The following WIPF2 variants were observed in gnomAD, a reference collection of about 807,000 sequenced individuals.
The protein encoded by WIPF2 is WAS/WASL interacting protein family member 2, also known as WAS/WASL-interacting protein family member 2.
WIPF2 carries 23 observed loss-of-function variants against 38.8 expected under a neutral mutation model. The observed-to-expected ratio is 0.59, with a 90% CI of 0.43 to 0.84. The LOEUF is 0.84. Among genes scored for constraint, WIPF2 ranks in the 40% least tolerant of loss-of-function variants. The probability of loss-of-function intolerance (pLI) is 0.00; values close to 1 mark genes in which losing one functional copy is unlikely to be tolerated. For missense variants in WIPF2, 574 were observed against 580.5 expected, an observed-to-expected ratio of 0.99 and a Z score of 0.11; for synonymous variants, 210 against 223.2, an observed-to-expected ratio of 0.94 and a Z score of 0.53.
chr17:40,239,349 G>T (rs549992765), intron 1 of WIPF2, among the ~76,000 whole-genome samples: 1 of 152,060 alleles, frequency 6.6e-6, no homozygotes, highest in Non-Finnish European at 1.5e-5. Flanking sequence ...GGGATTACAG[G>T]CGTGATCCAC....
chr17:40,255,774 GC>G (rs2031705373), intron 1 of WIPF2, among the ~76,000 whole-genome samples: 1 of 151,566 alleles, frequency 6.6e-6, no homozygotes, highest in South Asian at 2.1e-4. Context: ...GACTGCAGGC[GC>G]CCACCACCAC....
chr17:40,280,878 G>C lies in WIPF2; in HGVS notation c.*2653G>C, dbSNP rs1227348973. On this transcript the variant is annotated 3_prime_UTR_variant, in exon 8 of 8. Coordinates refer to ENST00000323571, the MANE Select transcript of WIPF2 (RefSeq NM_133264.5). Reference sequence around the variant, plus strand: ...GATCTAGTCAGATGAGTTTTTTTTAGAGCATGTTGATGATACAACACCTGT... The same window carrying C: ...GATCTAGTCAGATGAGTTTTTTTTACAGCATGTTGATGATACAACACCTGT... 1 of 152,472 alleles carries C rather than the reference G, an allele frequency of 6.6e-6. No individual in the cohort carries two copies. The highest frequency in any genetic ancestry group is 1.5e-5 in the Non-Finnish European group (1 of 68,014). The allele number at this position is 152,472 out of a possible 1,614,324, so 9.4% of individuals were successfully genotyped here. A position where few individuals can be genotyped will look rare whatever the true frequency, so the allele number is the denominator to read the frequency against.
At chr17:40,247,432 T>C (rs374216458) in intron 1 of WIPF2, among the ~76,000 whole-genome samples, 10 of 151,752 alleles carry the variant, frequency 6.6e-5, no homozygotes, top group Admixed American at 2.6e-4. Context: ...TTGGCCAGGC[T>C]AGTCTCGAAC....
rs775142662 is a variant in WIPF2 at position 40,260,675 on chromosome 17, C to T, written c.196+8C>T. The T allele has an allele frequency of 2.7e-5, 44 of 1,613,374 alleles. No individual in the cohort carries two copies. Among genetic ancestry groups the T allele is most frequent in the Admixed American group, 8.3e-5 (5 of 59,908 alleles). On this transcript the variant is annotated splice_region_variant and intron_variant, in intron 3 of 7. Transcript: ENST00000323571. The stretch of plus-strand genomic sequence containing the variant: ...GTGCTCCCATCCTCGAGAGTGAGTC[C>T]GAGCTTCATTTCCTAGTGAACTGGC...
rs1448274091 is a variant in WIPF2 at position 40,281,289 on chromosome 17, A to G, written c.*3064A>G. ...TTTGTGATGTTTTTCCCTAATGGGA[A>G]AAACGTTATAGTTGTTTCTTACTGC... On this transcript the variant is annotated 3_prime_UTR_variant, in exon 8 of 8. Transcript: ENST00000323571. The G allele has an allele frequency of 3.3e-5, 5 of 151,962 alleles. No individual in the cohort carries two copies. Among genetic ancestry groups the G allele is most frequent in the Non-Finnish European group, 7.4e-5 (5 of 67,938 alleles). 9.4% of individuals were successfully genotyped at this position (151,962 alleles called of 1,614,324 possible). A position where few individuals can be genotyped will look rare whatever the true frequency, so the allele number is the denominator to read the frequency against.
intron 1 of WIPF2, among the ~76,000 whole-genome samples, chr17:40,232,381 G>A (rs924298471): frequency 9.3e-5 from 14 of 151,056 alleles, no homozygotes; most frequent in African/African-American, 3.2e-4. Flanking sequence ...GTAGAGACAG[G>A]GTTTCACCAT....
In WIPF2 at chr17:40,264,624, C is replaced by G. The variant is rs754971903; in HGVS notation, c.448C>G (p.Arg150Gly). ...CCGGGCCTCACTCCCAGAACTGCCCCGGATGCAGAGACCCTCTTTACCGGA... is the reference window on the plus strand; with the variant it reads ...CCGGGCCTCACTCCCAGAACTGCCCGGGATGCAGAGACCCTCTTTACCGGA... ...SSRASLPELP[R>G]MQRPSLPDLS... Residue 150 changes from arginine to glycine, a missense_variant, in exon 5 of 8, where the codon CGG becomes GGG. By Grantham distance (125) the Arg-to-Gly change is moderately radical. Coordinates refer to ENST00000323571, the MANE Select transcript of WIPF2 (RefSeq NM_133264.5). 3.1e-6 allele frequency: 5 copies of G among 1,613,966 alleles called. No individual in the cohort carries two copies. The highest frequency in any genetic ancestry group is 4.2e-6 in the Non-Finnish European group (5 of 1,179,998).
intron 1 of WIPF2, among the ~76,000 whole-genome samples, 180 bp from the exon 2 acceptor site, chr17:40,256,211 G>C (rs2031727136): frequency 6.6e-6 from 1 of 151,948 alleles, no homozygotes; most frequent in Admixed American, 6.6e-5. Flanking sequence ...AAGTCATTAG[G>C]AAATTGCAAA....
chr17:40,260,292 A>C (rs2031855024), intron 2 of WIPF2, among the ~76,000 whole-genome samples: 1 of 145,560 alleles, frequency 6.9e-6, no homozygotes, highest in Admixed American at 7.2e-5. Context: ...GGTTCAAGCG[A>C]TTCTCCTGTC....
At chr17:40,255,715 G>A (rs1159494815) in intron 1 of WIPF2, among the ~76,000 whole-genome samples, 3 of 147,478 alleles carry the variant, frequency 2.0e-5, no homozygotes, top group African/African-American at 5.0e-5. Flanking sequence ...TGCAAGCTCC[G>A]CCTCCTGGTT....
At chr17:40,223,208 A>G (rs558161707) in intron 1 of WIPF2, among the ~76,000 whole-genome samples, 23 of 151,892 alleles carry the variant, frequency 1.5e-4, no homozygotes, top group Middle Eastern at 3.4e-3. Context: ...CAATGGCACA[A>G]TCTTGGCTCA....
chr17:40,231,481 A>C (rs2030737627), intron 1 of WIPF2, among the ~76,000 whole-genome samples: 1 of 142,186 alleles, frequency 7.0e-6, no homozygotes, highest in South Asian at 2.2e-4. Flanking sequence ...GCTGGAGTGC[A>C]GTGGCACGAT....
At chr17:40,270,997 A>G (rs1029421748) in intron 5 of WIPF2, among the ~76,000 whole-genome samples, 4 of 152,110 alleles carry the variant, frequency 2.6e-5, no homozygotes, top group African/African-American at 9.7e-5. Context: ...TTTCTTTGAG[A>G]CAGTCTTGCT....
At chr17:40,250,825 G>C (rs888017888) in intron 1 of WIPF2, among the ~76,000 whole-genome samples, 1 of 151,686 alleles carries the variant, frequency 6.6e-6, no homozygotes. Flanking sequence ...CTATCTTCTC[G>C]GGAGGCTGAG....
At chr17:40,246,542 G>A (rs979335781) in intron 1 of WIPF2, among the ~76,000 whole-genome samples, 3 of 151,658 alleles carry the variant, frequency 2.0e-5, no homozygotes, top group African/African-American at 4.8e-5. Context: ...AGGATAACAG[G>A]CACCTGACAC....
intron 1 of WIPF2, among the ~76,000 whole-genome samples, chr17:40,247,660 T>TA (rs1332614414): frequency 2.0e-5 from 3 of 151,874 alleles, no homozygotes; most frequent in African/African-American, 7.3e-5. Flanking sequence ...TAGCTGGAGT[T>TA]ACAGGCGTTT....
intron 7 of WIPF2, 138 bp from the exon 8 acceptor site, chr17:40,278,047 C>A: frequency 1.9e-6 from 2 of 1,068,086 alleles, no homozygotes; most frequent in Non-Finnish European, 2.7e-6. Context: ...TTTTCTTAGG[C>A]AAAACAATAA....
intron 4 of WIPF2, among the ~76,000 whole-genome samples, chr17:40,262,910 T>G (rs1404796314): frequency 6.6e-6 from 1 of 152,184 alleles, no homozygotes; most frequent in Non-Finnish European, 1.5e-5. Flanking sequence ...ATAATATGGA[T>G]GAACTTGGAG....
intron 2 of WIPF2, among the ~76,000 whole-genome samples, chr17:40,259,113 A>G (rs2031821526): frequency 6.8e-6 from 1 of 146,494 alleles, no homozygotes; most frequent in Non-Finnish European, 1.5e-5. Flanking sequence ...TCCTGGCTTC[A>G]AGTGATCCTT....
Sources: gnomAD v4.1 joint callset for allele counts (sites outside exome capture counted in the v4.1 genomes callset) on GRCh38, gnomAD v4.1.1 for gene constraint, MANE v1.5 for transcripts, NCBI Gene and HGNC (gene_info 2026-07-23, HGNC 2026-07-21) for gene names.